The following MBNL2 variants were observed in gnomAD, a reference collection of about 807,000 sequenced individuals.
MBNL2 encodes muscleblind-like protein 2.
In MBNL2, 17 loss-of-function variants were observed where a neutral mutation model predicts 41.9. The ratio of observed to expected loss-of-function variants is 0.41; its 90% CI spans 0.28 to 0.61. MBNL2 has a LOEUF of 0.61. Ranked by LOEUF, MBNL2 falls within the 20% of genes least tolerant of loss-of-function variation. MBNL2 has a pLI of 0.35. For missense variants in MBNL2, 336 were observed against 505.6 expected (o/e 0.66, Z 3.22); for synonymous variants, 195 against 182.9 (o/e 1.07, Z -0.53).
chr13:97,201,560 T>C, the MBNL2 span, among the ~76,000 whole-genome samples: 2 of 152,184 alleles, frequency 1.3e-5, no homozygotes, highest in African/African-American at 2.4e-5. Flanking sequence ...CACCAATGAT[T>C]CTATTTTTTT....
At chr13:97,251,636 A>G (rs545500456) in intron 1 of MBNL2, among the ~76,000 whole-genome samples, 1 of 152,184 alleles carries the variant, frequency 6.6e-6, no homozygotes. Flanking sequence ...TTGTATGTCT[A>G]TTATCCATGA....
At chr13:97,148,622 T>C in the MBNL2 span, among the ~76,000 whole-genome samples, 1 of 152,110 alleles carries the variant, frequency 6.6e-6, no homozygotes, top group Non-Finnish European at 1.5e-5. Context: ...CGAAAACTAC[T>C]CTAAATAAAG....
chr13:97,204,578 A>G, the MBNL2 span, among the ~76,000 whole-genome samples: 4 of 152,182 alleles, frequency 2.6e-5, no homozygotes, highest in Non-Finnish European at 1.5e-5. Flanking sequence ...AATTGCTTAA[A>G]TTGACTTTCA....
intron 8 of MBNL2, among the ~76,000 whole-genome samples, chr13:97,372,227 A>T (rs1324428461): frequency 6.6e-6 from 1 of 152,146 alleles, no homozygotes; most frequent in Non-Finnish European, 1.5e-5. Context: ...AAATCAGATT[A>T]TATTCTGGGC....
At chr13:97,339,263 G>C (rs1051100913) in intron 3 of MBNL2, among the ~76,000 whole-genome samples, 5 of 152,216 alleles carry the variant, frequency 3.3e-5, no homozygotes, top group Non-Finnish European at 5.9e-5. Context: ...GTATATGAGT[G>C]TGTTGTGTGT....
intron 1 of MBNL2, among the ~76,000 whole-genome samples, chr13:97,229,462 GATGTTTGATA>G (rs1481636644): frequency 6.6e-6 from 1 of 152,016 alleles, no homozygotes; most frequent in East Asian, 1.9e-4. Flanking sequence ...AGTTTTCATG[GATGTTTGATA>G]ATGTGTGTAA....
rs35081292 is a variant in MBNL2 at position 97,232,524 on chromosome 13, A to G, written c.-605+9993A>G. ...AAATGAAGCTTAGAGAGACCAAGTT[A>G]CTTGCCAAGGTTACAGAATAAGGGG... On this transcript the variant is annotated intron_variant, in intron 1 of 8. Coordinates refer to ENST00000679496, the MANE Select transcript of MBNL2 (RefSeq NM_001382683.1). Among the ~76,000 whole-genome samples the G allele has an allele frequency of 3.7e-3, 559 of 152,286 alleles. 3 individuals are homozygous for G. Among genetic ancestry groups the G allele is most frequent in the Non-Finnish European group, 5.5e-3 (377 of 68,012 alleles).
At chr13:97,330,540 A>AT in intron 2 of MBNL2, among the ~76,000 whole-genome samples, 1 of 152,302 alleles carries the variant, frequency 6.6e-6, no homozygotes, top group East Asian at 1.9e-4. Flanking sequence ...CACAAGGAAG[A>AT]TTTTTCCCAG....
At chr13:97,378,832 C>T (rs1345044497) in intron 8 of MBNL2, among the ~76,000 whole-genome samples, 1 of 152,096 alleles carries the variant, frequency 6.6e-6, no homozygotes, top group Non-Finnish European at 1.5e-5. Flanking sequence ...TTATCAAAAA[C>T]CACTATTACA....
intron 2 of MBNL2, among the ~76,000 whole-genome samples, chr13:97,285,032 T>C (rs1023511892): frequency 6.7e-6 from 1 of 150,308 alleles, no homozygotes; most frequent in African/African-American, 2.5e-5. Context: ...AAAGAAATAT[T>C]TATCATGTTA....
intron 2 of MBNL2, among the ~76,000 whole-genome samples, chr13:97,327,568 A>AAAAC (rs1486222374): frequency 1.3e-5 from 2 of 150,798 alleles, no homozygotes; most frequent in Non-Finnish European, 3.0e-5. Flanking sequence ...TGTAAAAAAA[A>AAAAC]AAAAAAAAAA....
chr13:97,285,292 A>C (rs1290693009), intron 2 of MBNL2, among the ~76,000 whole-genome samples: 1 of 152,158 alleles, frequency 6.6e-6, no homozygotes, highest in Non-Finnish European at 1.5e-5. Context: ...TCTTTAGCTC[A>C]CTCATTCATT....
At chr13:97,269,881 T>C (rs1258426554) in intron 1 of MBNL2, among the ~76,000 whole-genome samples, 1 of 152,234 alleles carries the variant, frequency 6.6e-6, no homozygotes, top group East Asian at 1.9e-4. Flanking sequence ...CATATGGAAC[T>C]ATCGTAGAGA....
At position 97,393,492 on chromosome 13, in the gene MBNL2, C is replaced by T. The variant is rs1297691483; in HGVS notation, c.*2043C>T. 2 of 152,232 alleles carry T rather than the reference C, an allele frequency of 1.3e-5. No individual in the cohort carries two copies. The highest frequency in any genetic ancestry group is 2.9e-5 in the Non-Finnish European group (2 of 67,900). The allele number at this position is 152,232 out of a possible 1,614,324, so 9.4% of individuals were successfully genotyped here. A position where few individuals can be genotyped will look rare whatever the true frequency, so the allele number is the denominator to read the frequency against. Reference sequence around the variant, plus strand: ...GAGCATCAAAAACATCACCTGTAACCCCAAGCAAATATAGAAGACTGTATT... The same window carrying T: ...GAGCATCAAAAACATCACCTGTAACTCCAAGCAAATATAGAAGACTGTATT... On this transcript the variant is annotated 3_prime_UTR_variant, in exon 9 of 9. Transcript: ENST00000679496.
chr13:97,248,605 A>G (rs2045938466), intron 1 of MBNL2, among the ~76,000 whole-genome samples: 1 of 152,244 alleles, frequency 6.6e-6, no homozygotes, highest in African/African-American at 2.4e-5. Context: ...AAAGGGACAA[A>G]GCCCTAGCGT....
At position 97,334,962 on chromosome 13, in the gene MBNL2, T is replaced by C. The variant is rs1470492265; in HGVS notation, c.339+522T>C. Among the ~76,000 whole-genome samples, 1 of 152,080 alleles carries C rather than the reference T, an allele frequency of 6.6e-6. No individual in the cohort carries two copies. The highest frequency in any genetic ancestry group is 6.6e-5 in the Admixed American group (1 of 15,254). On this transcript the variant is annotated intron_variant, in intron 3 of 8. Coordinates refer to ENST00000679496, the MANE Select transcript of MBNL2 (RefSeq NM_001382683.1). The surrounding 1 kb of genome is among the most constrained non-coding windows in gnomAD (Gnocchi z 5.3). Reference sequence around the variant, plus strand: ...CTTTCTGCAGTGTGTTCCAGGAAGATCCTAGTAACAGCCCCCAAAGAAGGA... The same window carrying C: ...CTTTCTGCAGTGTGTTCCAGGAAGACCCTAGTAACAGCCCCCAAAGAAGGA...
At chr13:97,353,780 T>G (rs1390461256) in intron 5 of MBNL2, among the ~76,000 whole-genome samples, 1 of 152,174 alleles carries the variant, frequency 6.6e-6, no homozygotes, top group African/African-American at 2.4e-5. Flanking sequence ...CAAAATGGAA[T>G]GACACAAGGA....
chr13:97,301,271 C>G (rs1417141526), intron 2 of MBNL2, among the ~76,000 whole-genome samples: 1 of 152,064 alleles, frequency 6.6e-6, no homozygotes, highest in African/African-American at 2.4e-5. Context: ...TCCATTTATC[C>G]CTACAACACA....
At chr13:97,349,250 G>T (rs1287069351) in intron 5 of MBNL2, among the ~76,000 whole-genome samples, 2 of 152,114 alleles carry the variant, frequency 1.3e-5, no homozygotes, top group African/African-American at 4.8e-5. Context: ...TAGTAAAAGA[G>T]TAGTTTCCGA....
Sources: allele counts gnomAD v4.1 joint callset (sites outside exome capture counted in the v4.1 genomes callset), GRCh38; gene constraint gnomAD v4.1.1; non-coding constraint Gnocchi (gnomAD v3.1); transcripts MANE v1.5; gene names NCBI Gene and HGNC (gene_info 2026-07-23, HGNC 2026-07-21).